The following EPB41L3 variants were observed in gnomAD, a reference collection of about 807,000 sequenced individuals.
EPB41L3 encodes the protein erythrocyte membrane protein band 4.1 like 3.
EPB41L3 carries 57 observed loss-of-function variants against 127.1 expected under a neutral mutation model. That is an observed-to-expected ratio of 0.45 (90% CI 0.36 to 0.56). The LOEUF (loss-of-function observed/expected upper bound fraction) is 0.56. Among genes scored for constraint, EPB41L3 ranks in the 20% least tolerant of loss-of-function variants. EPB41L3 has a pLI of 0.00. For missense variants in EPB41L3, 1,273 were observed against 1,372.2 expected (o/e 0.93, Z 1.14); for synonymous variants, 572 against 549.5 (o/e 1.04, Z -0.57).
intron 3 of EPB41L3, among the ~76,000 whole-genome samples, chr18:5,568,657 T>G (rs1027284299): frequency 7.9e-5 from 12 of 152,168 alleles, no homozygotes; most frequent in African/African-American, 2.9e-4. Flanking sequence ...TCCAGTAACT[T>G]TCCCCAAGGC....
At chr18:5,616,028 T>G (rs2094790667) in intron 1 of EPB41L3, among the ~76,000 whole-genome samples, 1 of 152,118 alleles carries the variant, frequency 6.6e-6, no homozygotes. Context: ...TTTCTCCAGG[T>G]GCTACTCCTT....
chr18:5,624,956 G>T (rs548151248), intron 1 of EPB41L3, among the ~76,000 whole-genome samples: 2 of 152,244 alleles, frequency 1.3e-5, no homozygotes, highest in African/African-American at 4.8e-5. Context: ...TGAAGAAAGG[G>T]GAGGAAGGGC....
At chr18:5,602,001 A>C (rs915591852) in intron 3 of EPB41L3, among the ~76,000 whole-genome samples, 15 of 152,212 alleles carry the variant, frequency 9.9e-5, no homozygotes, top group African/African-American at 3.6e-4. Flanking sequence ...CAGGTTCTCC[A>C]GCCATTTATT....
intron 1 of EPB41L3, among the ~76,000 whole-genome samples, chr18:5,527,334 G>T (rs2093261360): frequency 6.6e-6 from 1 of 152,094 alleles, no homozygotes; most frequent in African/African-American, 2.4e-5. Context: ...CTCACATTTT[G>T]AAGTTATATT....
chr18:5,556,935 C>T (rs759176793), intron 3 of EPB41L3, among the ~76,000 whole-genome samples: 13 of 152,200 alleles, frequency 8.5e-5, no homozygotes, highest in Non-Finnish European at 1.6e-4. Flanking sequence ...CGGGGGCTCA[C>T]AATAATACCA....
At chr18:5,541,706 T>A (rs2093735299) in intron 1 of EPB41L3, among the ~76,000 whole-genome samples, 1 of 152,224 alleles carries the variant, frequency 6.6e-6, no homozygotes, top group African/African-American at 2.4e-5. Context: ...CATGAACTGA[T>A]AAAAAATTGC....
Position 5,397,887 on chromosome 18 carries a change from CA to C in EPB41L3, c.2472+133del, listed in dbSNP as rs2073844638. ...AGATATGCCAAGCAGACACAAAGGA[CA>C]ATAAGTGAAGACACCTTTGAGATGT... On this transcript the variant is annotated intron_variant, in intron 17 of 22. Coordinates refer to ENST00000341928, the MANE Select transcript of EPB41L3 (RefSeq NM_012307.5). The surrounding 1 kb of genome is among the most constrained non-coding windows in gnomAD (Gnocchi z 4.1). 5.1e-6 allele frequency: 5 copies of C among 989,674 alleles called. No homozygotes were observed. The Admixed American group carries it at 1.1e-4, about 22-fold the overall frequency. 61.3% of individuals were successfully genotyped at this position (989,674 alleles called of 1,614,324 possible). A position where few individuals can be genotyped will look rare whatever the true frequency, so the allele number is the denominator to read the frequency against.
chr18:5,463,505 C>T (rs536938461), intron 3 of EPB41L3: 2 of 152,324 alleles, frequency 1.3e-5, no homozygotes, highest in South Asian at 4.2e-4. Flanking sequence ...AGCTGGTTGC[C>T]GATGGTGAGG....
At chr18:5,557,601 G>A (rs572148944) in intron 3 of EPB41L3, among the ~76,000 whole-genome samples, 14 of 151,880 alleles carry the variant, frequency 9.2e-5, no homozygotes, top group Non-Finnish European at 1.9e-4. Flanking sequence ...GGCCAGGCTG[G>A]TCTTGAACTC....
chr18:5,428,416 A>G lies in EPB41L3; in HGVS notation c.962T>C (p.Leu321Ser). The G allele has an allele frequency of 1.2e-6, 2 of 1,614,244 alleles. No homozygotes were observed. Among genetic ancestry groups the G allele is most frequent in the South Asian group, 1.1e-5 (1 of 91,080 alleles). Reference protein sequence around the residue: ...IMLGVCASGLLIYRDRLRINR... With the variant: ...IMLGVCASGLSIYRDRLRINR... ...TATTCGCAGCCGGTCGCGATATATC[A>G]ACAGACCACTTGCACAAACTCCTAA... is the stretch of plus-strand genomic sequence containing the variant. Residue 321 changes from leucine to serine, a missense_variant, in exon 9 of 23, where the codon TTG (leucine) becomes TCG (serine). Around this residue, in one of 3 missense-constraint regions of EPB41L3, gnomAD observed 326 missense variants for 440.2 expected, o/e 0.74. Transcript: ENST00000341928.
At chr18:5,623,975 A>G (rs1294111443) in intron 1 of EPB41L3, among the ~76,000 whole-genome samples, 2 of 152,160 alleles carry the variant, frequency 1.3e-5, no homozygotes, top group Non-Finnish European at 2.9e-5. Flanking sequence ...GTATGAGACC[A>G]TAAGAAATTG....
intron 5 of EPB41L3, among the ~76,000 whole-genome samples, chr18:5,439,317 T>C (rs1463029034): frequency 1.3e-5 from 2 of 152,190 alleles, no homozygotes; most frequent in African/African-American, 2.4e-5. Flanking sequence ...CAAATCTCCC[T>C]GTCTCTCCAT....
At chr18:5,438,898 T>G (rs1387716867) in intron 5 of EPB41L3, among the ~76,000 whole-genome samples, 2 of 152,176 alleles carry the variant, frequency 1.3e-5, no homozygotes, top group African/African-American at 2.4e-5. Flanking sequence ...CCTTGAAACA[T>G]TATGAAGCCT....
chr18:5,604,673 C>T (rs953531308), intron 3 of EPB41L3, among the ~76,000 whole-genome samples: 1 of 152,010 alleles, frequency 6.6e-6, no homozygotes, highest in African/African-American at 2.4e-5. Flanking sequence ...AGGCTGGTCT[C>T]GAACTTCTGG....
chr18:5,458,479 T>C (rs1358609137), intron 3 of EPB41L3, among the ~76,000 whole-genome samples: 1 of 152,208 alleles, frequency 6.6e-6, no homozygotes, highest in Admixed American at 6.5e-5. Context: ...AATCGCCCAG[T>C]TATCAACACA....
intron 3 of EPB41L3, among the ~76,000 whole-genome samples, chr18:5,602,694 C>A (rs1243816520): frequency 6.6e-6 from 1 of 152,186 alleles, no homozygotes. Flanking sequence ...AATCCTCCTG[C>A]CTCAGCCTCT....
At chr18:5,413,814 C>T (rs933882088) in intron 13 of EPB41L3, among the ~76,000 whole-genome samples, 4 of 152,288 alleles carry the variant, frequency 2.6e-5, no homozygotes, top group Middle Eastern at 3.4e-3. Context: ...AGTGCTAATT[C>T]ATGGTTTTGG....
At chr18:5,510,021 T>C (rs911446515) in intron 1 of EPB41L3, among the ~76,000 whole-genome samples, 4 of 152,214 alleles carry the variant, frequency 2.6e-5, no homozygotes, top group African/African-American at 9.7e-5. Flanking sequence ...CAGGGAAAGC[T>C]GGTATTGCAG....
At chr18:5,463,767 T>C (rs1204110001) in intron 3 of EPB41L3, 1 of 152,320 alleles carries the variant, frequency 6.6e-6, no homozygotes, top group African/African-American at 2.4e-5. Context: ...AACAACATGA[T>C]TTCTGCTTTC....
Sources: allele counts gnomAD v4.1 joint callset (sites outside exome capture counted in the v4.1 genomes callset), GRCh38; gene constraint gnomAD v4.1.1; regional missense constraint gnomAD v4.1.1; non-coding constraint Gnocchi (gnomAD v3.1); transcripts MANE v1.5; gene names NCBI Gene and HGNC (gene_info 2026-07-23, HGNC 2026-07-21).